The following MAP2K3 variants were observed in gnomAD, a reference collection of about 807,000 sequenced individuals.
The protein encoded by MAP2K3 is dual specificity mitogen-activated protein kinase kinase 3.
In MAP2K3, 30 loss-of-function variants were observed where a neutral mutation model predicts 46.4. The ratio of observed to expected loss-of-function variants is 0.65; its 90% CI spans 0.48 to 0.88. The LOEUF is 0.88. Among genes scored for constraint, MAP2K3 ranks in the 40% least tolerant of loss-of-function variants. The pLI, the probability that MAP2K3 is intolerant of heterozygous loss-of-function variation, is 0.00. For synonymous variants in MAP2K3, 189 were observed against 176.3 expected (o/e 1.07, Z -0.57); for missense variants, 380 against 464.5 (o/e 0.82, Z 1.67).
chr17:21,299,041 C>G, intron 3 of MAP2K3, 115 bp downstream of exon 3: 1 of 1,489,864 alleles, frequency 6.7e-7, no homozygotes, highest in Non-Finnish European at 9.3e-7. Flanking sequence ...GAGGGTCAGG[C>G]TCTGGAGAAG....
At chr17:21,306,095 G>A (rs1361693754) in intron 9 of MAP2K3, among the ~76,000 whole-genome samples, 2 of 152,206 alleles carry the variant, frequency 1.3e-5, no homozygotes, top group African/African-American at 4.8e-5. Flanking sequence ...CCCACCCAGT[G>A]CCCTGCAGTT....
At chr17:21,299,839 C>T (rs7220890) in intron 3 of MAP2K3, among the ~76,000 whole-genome samples, 2,217 of 151,904 alleles carry the variant, frequency 0.015, 1 homozygote, top group African/African-American at 0.047. Context: ...AAAATTAGCC[C>T]GGTGTGGTGG....
chr17:21,286,295 G>T (rs1975721269), intron 1 of MAP2K3, among the ~76,000 whole-genome samples: 1 of 152,242 alleles, frequency 6.6e-6, no homozygotes, highest in African/African-American at 2.4e-5. Context: ...CTCAGAGTGA[G>T]CAGGAGGAAG....
At chr17:21,298,779 C>A (rs1976416077) in intron 2 of MAP2K3, 99 bp from the exon 3 acceptor site, 16 of 1,575,310 alleles carry the variant, frequency 1.0e-5, no homozygotes, top group Admixed American at 1.7e-5. Context: ...GCAGGAGGCA[C>A]CTCGTCCCCA....
intron 1 of MAP2K3, chr17:21,295,734 A>G (rs1361190423): frequency 6.2e-6 from 8 of 1,282,078 alleles, no homozygotes; most frequent in Non-Finnish European, 3.0e-6. Flanking sequence ...CGTGGTCCCC[A>G]CCCATCCAGC....
intron 10 of MAP2K3, among the ~76,000 whole-genome samples, chr17:21,313,156 T>A (rs1977243289): frequency 6.6e-6 from 1 of 152,206 alleles, no homozygotes; most frequent in Non-Finnish European, 1.5e-5. Context: ...GAACCCATGA[T>A]AAGGAGTTTC....
chr17:21,309,900 G>C (rs1977082323), intron 9 of MAP2K3, among the ~76,000 whole-genome samples: 3 of 152,000 alleles, frequency 2.0e-5, no homozygotes, highest in Non-Finnish European at 2.9e-5. Context: ...CACTGCGCCT[G>C]GCCTCGTAAT....
At chr17:21,292,329 T>A (rs1432320711) in intron 1 of MAP2K3, among the ~76,000 whole-genome samples, 1 of 152,310 alleles carries the variant, frequency 6.6e-6, no homozygotes, top group African/African-American at 2.4e-5. Context: ...AAAAAGGCAG[T>A]CTCTTGTTTC....
chr17:21,314,165 T>G lies in MAP2K3; in HGVS notation c.979T>G (p.Leu327Val), dbSNP rs1330040800. The change falls in exon 12 of 12, where the codon TTG becomes GTG. Residue 327 changes from leucine (L) to valine (V), a missense_variant. Around this residue, in one of 5 missense-constraint regions of MAP2K3, gnomAD observed 63 missense variants for 81.6 expected, o/e 0.77. Transcript: ENST00000342679. ...CCCCCAGGAGCACCCCTTCTTCACC[T>G]TGCACAAAACCAAGAAGACGGACAT... ...LELMEHPFFT[L>V]HKTKKTDIAA... 1 of 1,613,842 alleles carries G rather than the reference T, an allele frequency of 6.2e-7. No individual in the cohort carries two copies. The highest frequency in any genetic ancestry group is 8.5e-7 in the Non-Finnish European group (1 of 1,179,920).
rs771878903 is a variant in MAP2K3 at position 21,314,236 on chromosome 17, G to A, written c.*6G>A. Reference sequence around the variant, plus strand: ...TCCTGGGAGAAGACTCATAGGGGCTGGGCCTCGGACCCCACTCCGGCCCTC... The same window carrying A: ...TCCTGGGAGAAGACTCATAGGGGCTAGGCCTCGGACCCCACTCCGGCCCTC... On this transcript the variant is annotated 3_prime_UTR_variant, in exon 12 of 12. Coordinates refer to ENST00000342679, the MANE Select transcript of MAP2K3 (RefSeq NM_145109.3). 4 of 1,613,202 alleles carry A rather than the reference G, an allele frequency of 2.5e-6. No homozygotes were observed. Among genetic ancestry groups the A allele is most frequent in the Non-Finnish European group, 3.4e-6 (4 of 1,179,406 alleles).
chr17:21,294,652 G>A (rs1976138471), intron 1 of MAP2K3, among the ~76,000 whole-genome samples: 17 of 152,306 alleles, frequency 1.1e-4, no homozygotes. Context: ...CAACAGATAA[G>A]TGAACCTCCC....
Position 21,303,356 on chromosome 17 carries a change from G to A in MAP2K3, c.568+122G>A, listed in dbSNP as rs1257949893. The A allele has an allele frequency of 3.0e-5, 41 of 1,374,462 alleles. No individual in the cohort carries two copies. In the Admixed American group the frequency reaches 4.4e-4, roughly 15 times the overall value. 85.1% of individuals were successfully genotyped at this position (1,374,462 alleles called of 1,614,324 possible). On this transcript the variant is annotated intron_variant, in intron 7 of 11. Transcript: ENST00000342679. ...AGAGGTGATAGGTTGTGACGTGCCCGATGGGGTTCCAGCCGCTTTCCACCT... is the reference window on the plus strand; with the variant it reads ...AGAGGTGATAGGTTGTGACGTGCCCAATGGGGTTCCAGCCGCTTTCCACCT...
intron 9 of MAP2K3, among the ~76,000 whole-genome samples, chr17:21,307,718 C>A (rs552852511): frequency 3.3e-5 from 5 of 150,538 alleles, no homozygotes; most frequent in East Asian, 3.9e-4. Flanking sequence ...CACTCTGTTG[C>A]CCAGGCTGGA....
chr17:21,285,166 T>C (rs1301687610), intron 1 of MAP2K3, 197 bp downstream of exon 1: 2 of 901,090 alleles, frequency 2.2e-6, no homozygotes, highest in Admixed American at 1.2e-4. Context: ...CGTTAGGCCT[T>C]GGGACTGCAC....
At chr17:21,297,910 G>C (rs1422016846) in intron 1 of MAP2K3, among the ~76,000 whole-genome samples, 1 of 152,024 alleles carries the variant, frequency 6.6e-6, no homozygotes, top group African/African-American at 2.4e-5. Flanking sequence ...GCCCGGGCTG[G>C]AGTCCCCGCC....
At chr17:21,289,098 C>T (rs1296636761) in intron 1 of MAP2K3, among the ~76,000 whole-genome samples, 1 of 152,212 alleles carries the variant, frequency 6.6e-6, no homozygotes, top group Non-Finnish European at 1.5e-5. Flanking sequence ...TGACAATGTG[C>T]TCGTAGGCGC....
chr17:21,291,594 T>A, intron 1 of MAP2K3: 1 of 456,492 alleles, frequency 2.2e-6, no homozygotes, highest in Non-Finnish European at 4.4e-6. Context: ...GCATCACTTG[T>A]GGGTCCCCCT....
At chr17:21,304,331 C>T (rs1976769336) in intron 7 of MAP2K3, 95 bp from the exon 8 acceptor site, 3 of 1,596,214 alleles carry the variant, frequency 1.9e-6, no homozygotes, top group South Asian at 2.3e-5. Flanking sequence ...CAGGAGGGGT[C>T]TTGGGCGAGG....
At chr17:21,286,745 G>A (rs1975733898) in intron 1 of MAP2K3, among the ~76,000 whole-genome samples, 1 of 152,178 alleles carries the variant, frequency 6.6e-6, no homozygotes, top group African/African-American at 2.4e-5. Context: ...AAAGGAGAGG[G>A]GTCATAGATG....
Sources: allele counts gnomAD v4.1 joint callset (sites outside exome capture counted in the v4.1 genomes callset), GRCh38; gene constraint gnomAD v4.1.1; regional missense constraint gnomAD v4.1.1; transcripts MANE v1.5; gene names NCBI Gene and HGNC (gene_info 2026-07-23, HGNC 2026-07-21).